Variants in RNF144A observed in about 807,000 individuals in gnomAD.
The protein encoded by RNF144A is ring finger protein 144A.
In RNF144A, 11 loss-of-function variants were observed where a neutral mutation model predicts 38.7. The ratio of observed to expected loss-of-function variants is 0.28; its 90% CI spans 0.18 to 0.47. The LOEUF (loss-of-function observed/expected upper bound fraction) is 0.47, where lower values mean the gene tolerates loss of function less well. Among genes scored for constraint, RNF144A ranks in the 20% least tolerant of loss-of-function variants. The probability of loss-of-function intolerance (pLI) is 0.99; values close to 1 mark genes in which losing one functional copy is unlikely to be tolerated. For synonymous variants in RNF144A, 149 were observed against 143.9 expected, an observed-to-expected ratio of 1.04 and a Z score of -0.25; for missense variants, 316 against 377.2, an observed-to-expected ratio of 0.84 and a Z score of 1.34.
chr2:6,988,836 ATG>A (rs1213638110), intron 2 of RNF144A, among the ~76,000 whole-genome samples: 1 of 151,930 alleles, frequency 6.6e-6, no homozygotes, highest in East Asian at 1.9e-4. Flanking sequence ...TGCATGAGAG[ATG>A]TGTCTTTTCC....
At chr2:7,075,526 T>C in the RNF144A span, among the ~76,000 whole-genome samples, 91,693 of 151,890 alleles carry the variant, frequency 0.6, 27,828 homozygotes, top group Non-Finnish European at 0.63. Flanking sequence ...ATCAGGGCCC[T>C]CATGATGCAA....
chr2:7,027,219 CCT>C (rs1446156221), intron 7 of RNF144A, among the ~76,000 whole-genome samples: 1 of 152,234 alleles, frequency 6.6e-6, no homozygotes, highest in Non-Finnish European at 1.5e-5. Context: ...GCTTCCCTCT[CCT>C]CATCTGCACC....
chr2:7,010,269 C>G (rs561928797), intron 3 of RNF144A, among the ~76,000 whole-genome samples: 26 of 152,296 alleles, frequency 1.7e-4, no homozygotes, highest in African/African-American at 5.8e-4. Flanking sequence ...CATGCTAGAG[C>G]CACATGTCTG....
chr2:7,069,313 C>G (rs1674363989), downstream of RNF144A, among the ~76,000 whole-genome samples: 2 of 152,240 alleles, frequency 1.3e-5, no homozygotes, highest in South Asian at 4.1e-4. Context: ...ACAGATTTCT[C>G]TCTTAATTTT....
intron 3 of RNF144A, among the ~76,000 whole-genome samples, chr2:7,004,920 A>T (rs1670340844): frequency 6.6e-6 from 1 of 152,230 alleles, no homozygotes; most frequent in African/African-American, 2.4e-5. Context: ...TCCAAAAAAA[A>T]TGTTGATGCT....
At chr2:7,059,059 G>A (rs964410389) in intron 6 of RNF144A, among the ~76,000 whole-genome samples, 9 of 152,066 alleles carry the variant, frequency 5.9e-5, no homozygotes, top group Admixed American at 3.9e-4. Flanking sequence ...AAAAAATACT[G>A]TGGATGGGCT....
intron 3 of RNF144A, among the ~76,000 whole-genome samples, chr2:7,010,112 A>G (rs1670696363): frequency 6.6e-6 from 1 of 152,246 alleles, no homozygotes; most frequent in South Asian, 2.1e-4. Context: ...GGCTCTAGAA[A>G]GGCTGAGAGA....
At chr2:6,955,094 G>C (rs1572260218) in intron 2 of RNF144A, among the ~76,000 whole-genome samples, 1 of 152,142 alleles carries the variant, frequency 6.6e-6, no homozygotes. Flanking sequence ...GACATGGCTT[G>C]TTAGGATAAG....
chr2:6,997,282 C>T (rs1669810960), intron 3 of RNF144A, among the ~76,000 whole-genome samples: 2 of 152,134 alleles, frequency 1.3e-5, no homozygotes, highest in South Asian at 2.1e-4. Context: ...CAAAAGCAAT[C>T]GGTTAAACAG....
intron 1 of RNF144A, among the ~76,000 whole-genome samples, chr2:6,924,292 C>T (rs1381786042): frequency 6.6e-6 from 1 of 152,222 alleles, no homozygotes; most frequent in Admixed American, 6.5e-5. Flanking sequence ...CTTCCGTGGC[C>T]GTGTTGCTGG....
chr2:6,991,564 G>C (rs1669375650), intron 2 of RNF144A, among the ~76,000 whole-genome samples: 1 of 152,124 alleles, frequency 6.6e-6, no homozygotes, highest in African/African-American at 2.4e-5. Context: ...CTGTGTCTTA[G>C]GGCCACACAG....
At chr2:7,038,132 A>G (rs567802330) in intron 8 of RNF144A, among the ~76,000 whole-genome samples, 37 of 152,368 alleles carry the variant, frequency 2.4e-4, no homozygotes, top group African/African-American at 8.7e-4. Context: ...CAAAAATCAA[A>G]ATACGTAACA....
intron 3 of RNF144A, among the ~76,000 whole-genome samples, chr2:7,013,598 A>G (rs537755726): frequency 6.6e-6 from 1 of 152,252 alleles, no homozygotes; most frequent in Non-Finnish European, 1.5e-5. Context: ...GTTCTTATAT[A>G]AGCTCTACAT....
At chr2:7,049,399 T>G (rs1352651255) in intron 6 of RNF144A, among the ~76,000 whole-genome samples, 1 of 152,208 alleles carries the variant, frequency 6.6e-6, no homozygotes, top group Non-Finnish European at 1.5e-5. Flanking sequence ...AGGCAATGAA[T>G]GAGAAATGGC....
intron 6 of RNF144A, among the ~76,000 whole-genome samples, chr2:7,056,761 C>CA (rs1558468121): frequency 3.9e-5 from 6 of 152,228 alleles, no homozygotes. Context: ...GTCTCCCCCC[C>CA]AGTTGTGGCC....
chr2:6,946,328 A>G (rs1260250550), intron 2 of RNF144A, among the ~76,000 whole-genome samples: 1 of 152,226 alleles, frequency 6.6e-6, no homozygotes, highest in African/African-American at 2.4e-5. Flanking sequence ...CACCATTAGT[A>G]TCTTGCCTTT....
chr2:6,933,974 T>C (rs1665380611), intron 1 of RNF144A, among the ~76,000 whole-genome samples: 1 of 152,240 alleles, frequency 6.6e-6, no homozygotes, highest in Non-Finnish European at 1.5e-5. Flanking sequence ...TGTTTTGTTT[T>C]GTTTTAACAT....
intron 2 of RNF144A, among the ~76,000 whole-genome samples, chr2:6,955,617 T>C (rs1666953308): frequency 6.6e-6 from 1 of 152,194 alleles, no homozygotes; most frequent in South Asian, 2.1e-4. Flanking sequence ...TTTACAATCA[T>C]CACTGTGTCT....
At chr2:7,002,576 T>C (rs1670179934) in intron 3 of RNF144A, among the ~76,000 whole-genome samples, 2 of 152,254 alleles carry the variant, frequency 1.3e-5, no homozygotes, top group South Asian at 4.2e-4. Flanking sequence ...GAGAGGACTT[T>C]GCTAAGGTTT....
Sources: gnomAD v4.1 joint callset for allele counts (sites outside exome capture counted in the v4.1 genomes callset) on GRCh38, gnomAD v4.1.1 for gene constraint, MANE v1.5 for transcripts, NCBI Gene and HGNC (gene_info 2026-07-23, HGNC 2026-07-21) for gene names.